AFF3: variants seen among roughly 807,000 people sequenced by gnomAD.
AFF3 encodes AF4/FMR2 family member 3.
Under a neutral mutation model 129.7 loss-of-function variants are expected in AFF3, and 32 were observed. That is an observed-to-expected ratio of 0.25 (90% CI 0.19 to 0.33). The LOEUF is 0.33. AFF3 is among the 10% of genes least tolerant of loss of function. The pLI is 1.00. For synonymous variants in AFF3, 644 were observed against 635.4 expected, an observed-to-expected ratio of 1.01 and a Z score of -0.20; for missense variants, 1,373 against 1,592.0, an observed-to-expected ratio of 0.86 and a Z score of 2.34.
chr2:100,099,086 C>T (rs1211193118), intron 4 of AFF3, among the ~76,000 whole-genome samples: 2 of 138,882 alleles, frequency 1.4e-5, no homozygotes, highest in South Asian at 2.4e-4. Context: ...TGTGAGTACA[C>T]GCAGCTCTGC....
chr2:100,046,968 A>G (rs1373782798), intron 4 of AFF3, among the ~76,000 whole-genome samples: 2 of 148,504 alleles, frequency 1.3e-5, no homozygotes, highest in Admixed American at 6.7e-5. Context: ...TTAACAGCCA[A>G]AAAAAAAAAA....
intron 4 of AFF3, among the ~76,000 whole-genome samples, chr2:100,095,604 T>C (rs900165448): frequency 2.0e-5 from 3 of 152,210 alleles, no homozygotes; most frequent in African/African-American, 4.8e-5. Flanking sequence ...ATTGTTTAAA[T>C]CCAGTCTGGG....
At chr2:99,682,394 G>T (rs1361516021) in intron 11 of AFF3, among the ~76,000 whole-genome samples, 4 of 152,214 alleles carry the variant, frequency 2.6e-5, no homozygotes, top group Non-Finnish European at 5.9e-5. Context: ...TTGAAGGGAA[G>T]GGGTGTGTTT....
At chr2:99,740,825 G>C (rs1338323206) in intron 10 of AFF3, among the ~76,000 whole-genome samples, 7 of 152,006 alleles carry the variant, frequency 4.6e-5, no homozygotes, top group Non-Finnish European at 5.9e-5. Flanking sequence ...TTAATTAGAT[G>C]CCATTTGTCA....
intron 8 of AFF3, among the ~76,000 whole-genome samples, chr2:99,769,244 A>G (rs1313458237): frequency 6.6e-6 from 1 of 152,036 alleles, no homozygotes; most frequent in Non-Finnish European, 1.5e-5. Context: ...CAAGCTCACT[A>G]ATTCATTCTC....
chr2:99,969,750 G>A (rs989649075), intron 7 of AFF3, among the ~76,000 whole-genome samples: 10 of 152,054 alleles, frequency 6.6e-5, no homozygotes, highest in Admixed American at 1.3e-4. Flanking sequence ...TGATCCACCC[G>A]CCTTGGCCTC....
intron 18 of AFF3, among the ~76,000 whole-genome samples, chr2:99,576,335 G>T (rs1676988176): frequency 6.8e-6 from 1 of 146,362 alleles, no homozygotes; most frequent in African/African-American, 2.6e-5. Flanking sequence ...CCAGCCGTGA[G>T]ACGCTTTTTC....
At chr2:99,867,190 CA>C (rs1691484437) in intron 7 of AFF3, among the ~76,000 whole-genome samples, 1 of 151,940 alleles carries the variant, frequency 6.6e-6, no homozygotes, top group Non-Finnish European at 1.5e-5. Context: ...ACTCATTTAA[CA>C]AAGCCCAACA....
intron 16 of AFF3, among the ~76,000 whole-genome samples, chr2:99,584,412 T>C (rs1677888401): frequency 6.6e-6 from 1 of 152,168 alleles, no homozygotes; most frequent in South Asian, 2.1e-4. Context: ...GACGTTGCAG[T>C]GAGGCGAGAT....
rs1297268625 is a variant in AFF3, at chr2:99,593,747, G to C, written c.1914C>G (p.Arg638=). The change falls in exon 15 of 25, where the codon CGC becomes CGG. Residue 638 remains arginine, a synonymous_variant. Coordinates refer to ENST00000672756, the MANE Select transcript of AFF3 (RefSeq NM_001386135.1). ...RPCGNNRASH[R]KELRSSVTCE... ...AGGTCACGGAGGAGCGCAGCTCCTTGCGGTGGCTCGCTCTGTTGTTGCCAC... is the reference window on the plus strand; with the variant it reads ...AGGTCACGGAGGAGCGCAGCTCCTTCCGGTGGCTCGCTCTGTTGTTGCCAC... 1 of 1,612,884 alleles carries C rather than the reference G, an allele frequency of 6.2e-7. No homozygotes were observed. Among genetic ancestry groups the C allele is most frequent in the Non-Finnish European group, 8.5e-7 (1 of 1,179,920 alleles).
At chr2:99,990,173 CA>C (rs1680212556) in intron 7 of AFF3, among the ~76,000 whole-genome samples, 1 of 152,170 alleles carries the variant, frequency 6.6e-6, no homozygotes, top group African/African-American at 2.4e-5. Context: ...GTAGCCCACT[CA>C]CAACTGAGTT....
chr2:100,092,727 A>G (rs888383164), intron 4 of AFF3, among the ~76,000 whole-genome samples: 24 of 152,020 alleles, frequency 1.6e-4, no homozygotes, highest in African/African-American at 5.5e-4. Flanking sequence ...TACCTGCCAT[A>G]TCCCTACCCC....
chr2:100,038,281 A>G (rs956494161), intron 4 of AFF3, among the ~76,000 whole-genome samples: 7 of 152,070 alleles, frequency 4.6e-5, no homozygotes, highest in African/African-American at 1.4e-4. Context: ...CCCGCAGATT[A>G]AAACCACATG....
intron 4 of AFF3, among the ~76,000 whole-genome samples, chr2:100,020,150 T>G (rs987876040): frequency 6.6e-6 from 1 of 152,106 alleles, no homozygotes; most frequent in Non-Finnish European, 1.5e-5. Context: ...CGGCCAGGCT[T>G]CAACTTCCTC....
rs1691220258 is a variant in AFF3 at position 100,105,501 on chromosome 2, C to T, written c.-65+3G>A. 1.4e-5 allele frequency: 18 copies of T among 1,329,890 alleles called. No individual in the cohort carries two copies. Among genetic ancestry groups the T allele is most frequent in the Non-Finnish European group, 1.8e-5 (18 of 1,003,926 alleles). The allele number at this position is 1,329,890 out of a possible 1,614,324, so 82.4% of individuals were successfully genotyped here. On this transcript the variant is annotated splice_donor_region_variant and intron_variant, in intron 3 of 24. Transcript: ENST00000672756. Reference sequence around the variant, plus strand: ...ACCAACCTCCTTTCTTTTTATTTCTCACCGGGAAGGGGGACAAACTGGCCT... The same window carrying T: ...ACCAACCTCCTTTCTTTTTATTTCTTACCGGGAAGGGGGACAAACTGGCCT...
At chr2:99,943,216 G>C (rs1308736279) in intron 7 of AFF3, among the ~76,000 whole-genome samples, 1 of 152,150 alleles carries the variant, frequency 6.6e-6, no homozygotes, top group Admixed American at 6.6e-5. Context: ...GAGAGCACCA[G>C]GCAGGATAAA....
At chr2:99,614,575 G>C (rs79195341) in intron 13 of AFF3, among the ~76,000 whole-genome samples, 9,955 of 152,264 alleles carry the variant, frequency 0.065, 535 homozygotes, top group South Asian at 0.089. Context: ...ATGACAATAA[G>C]CCATTAGTTC....
chr2:99,777,890 G>A (rs1481566450), intron 8 of AFF3, among the ~76,000 whole-genome samples: 1 of 137,862 alleles, frequency 7.3e-6, no homozygotes, highest in East Asian at 2.2e-4. Context: ...GGGAGCGCAG[G>A]CTCAGTTTGC....
chr2:99,669,320 C>T (rs1024111818), intron 12 of AFF3, among the ~76,000 whole-genome samples: 6 of 152,154 alleles, frequency 3.9e-5, no homozygotes, highest in African/African-American at 1.2e-4. Context: ...TCCACATGCC[C>T]ATTAGCAGTG....
Sources: allele counts gnomAD v4.1 joint callset (sites outside exome capture counted in the v4.1 genomes callset), GRCh38; gene constraint gnomAD v4.1.1; transcripts MANE v1.5; gene names NCBI Gene and HGNC (gene_info 2026-07-23, HGNC 2026-07-21).